ATG2B: variants seen among roughly 807,000 people sequenced by gnomAD.
The protein encoded by ATG2B is autophagy-related protein 2 homolog B.
ATG2B carries 121 observed loss-of-function variants against 241.3 expected under a neutral mutation model. The ratio of observed to expected loss-of-function variants is 0.50; its 90% confidence interval spans 0.43 to 0.58. The LOEUF (loss-of-function observed/expected upper bound fraction) is 0.58. Ranked by LOEUF, ATG2B falls within the 20% of genes least tolerant of loss-of-function variation. ATG2B has a pLI of 0.00. For synonymous variants in ATG2B, 858 were observed against 876.6 expected (o/e 0.98, Z 0.37); for missense variants, 2,306 against 2,491.6 (o/e 0.93, Z 1.59).
chr14:96,347,064 T>C (rs1298710243), intron 2 of ATG2B, 115 bp downstream of exon 2: 2 of 900,876 alleles, frequency 2.2e-6, no homozygotes, highest in East Asian at 2.7e-5. Flanking sequence ...TAATGTATTA[T>C]CAACTGAAAA....
At chr14:96,330,503 C>T (rs1219484311) in intron 11 of ATG2B, among the ~76,000 whole-genome samples, 2 of 152,136 alleles carry the variant, frequency 1.3e-5, no homozygotes, top group Non-Finnish European at 2.9e-5. Context: ...GTGGCTCACG[C>T]CTGTAATCCC....
intron 11 of ATG2B, 36 bp downstream of exon 11, chr14:96,331,340 G>A: frequency 6.4e-7 from 1 of 1,562,142 alleles, no homozygotes; most frequent in South Asian, 1.2e-5. Context: ...ATATGTGGAA[G>A]TTTAAAGGAT....
rs771631649 is a variant in ATG2B at position 96,313,047 on chromosome 14, TG to T, written c.3842+17del. On this transcript the variant is annotated intron_variant, in intron 25 of 41. Coordinates refer to ENST00000359933, the MANE Select transcript of ATG2B (RefSeq NM_018036.7). ...TCGAACAGCTTTGTTTAGTATACAA[TG>T]AAGTTTACACAGGTACCTGAGAGTA... 42 of 1,489,120 alleles carry T rather than the reference TG, an allele frequency of 2.8e-5. No homozygotes were observed. The highest frequency in any genetic ancestry group is 3.7e-5 in the Non-Finnish European group (40 of 1,067,992). The allele number at this position is 1,489,120 out of a possible 1,614,324, so 92.2% of individuals were successfully genotyped here.
intron 14 of ATG2B, among the ~76,000 whole-genome samples, chr14:96,327,744 T>C (rs1176165329): frequency 6.6e-6 from 1 of 152,202 alleles, no homozygotes; most frequent in Admixed American, 6.5e-5. Flanking sequence ...CAAGTTTATG[T>C]AAAGCAATAT....
intron 33 of ATG2B, among the ~76,000 whole-genome samples, chr14:96,302,655 A>G (rs914138464): frequency 2.6e-5 from 4 of 152,200 alleles, no homozygotes; most frequent in African/African-American, 9.7e-5. Context: ...ACTTAGTAAC[A>G]GTTTACTGAA....
rs1887089746 is a variant in ATG2B, at chr14:96,309,445, G to C, written c.4303+8C>G. 2.5e-6 allele frequency: 4 copies of C among 1,612,872 alleles called. No homozygotes were observed. The East Asian group carries it at 8.9e-5, about 36-fold the overall frequency. On this transcript the variant is annotated splice_region_variant and intron_variant, in intron 29 of 41. Transcript: ENST00000359933. ...ATCAGTGCTCCCTGAGAAGAGTCCT[G>C]GTCTTACCATTAGCCTGTGGTTTTA...
At chr14:96,338,478 T>G (rs1887924527) in intron 6 of ATG2B, among the ~76,000 whole-genome samples, 1 of 152,110 alleles carries the variant, frequency 6.6e-6, no homozygotes, top group Non-Finnish European at 1.5e-5. Flanking sequence ...GCCTATTTTG[T>G]TGAGAGTTTT....
chr14:96,322,120 A>G lies in ATG2B; in HGVS notation c.2871T>C (p.Leu957=). The part of the protein sequence containing the change: ...TLPNKSFYEK[L]YNRIFNDLLL... The stretch of plus-strand genomic sequence containing the variant: ...AATGTGTATAAACTCACCTATTATA[A>G]AGCTTCTCATAAAAGCTCTTATTAG... Residue 957 remains leucine (L), a synonymous_variant, in exon 18 of 42, where the codon CTT becomes CTC. Coordinates refer to ENST00000359933, the MANE Select transcript of ATG2B (RefSeq NM_018036.7). 1.3e-6 allele frequency: 2 copies of G among 1,541,408 alleles called. No individual in the cohort carries two copies. The highest frequency in any genetic ancestry group is 8.7e-7 in the Non-Finnish European group (1 of 1,152,304).
Position 96,345,398 on chromosome 14 carries a change from T to C in ATG2B, c.326-13A>G, listed in dbSNP as rs781443609. The C allele has an allele frequency of 5.1e-5, 81 of 1,578,722 alleles. No individual in the cohort carries two copies. The highest frequency in any genetic ancestry group is 2.9e-4 in the Admixed American group (15 of 52,486). On this transcript the variant is annotated splice_polypyrimidine_tract_variant and intron_variant, in intron 2 of 41. Transcript: ENST00000359933. Reference sequence around the variant, plus strand: ...TCAGAACCAGTTGCTGTGGAAAATATAAATTAATCCTAAATAATTTCTTAA... The same window carrying C: ...TCAGAACCAGTTGCTGTGGAAAATACAAATTAATCCTAAATAATTTCTTAA...
Position 96,303,206 on chromosome 14 carries a change from G to A in ATG2B, c.4892C>T (p.Ser1631Phe). ...VYPPCKPDCD[S>F]SLSEHPVSRQ... ...GGAGACTGGGTGTTCTGAGAGGCTG[G>A]AATCACAATCAGGTTTGCATGGCGG... The change falls in exon 33 of 42, where the codon TCC (serine) becomes TTC (phenylalanine). Residue 1631 changes from serine to phenylalanine, a missense_variant. By Grantham distance (155) the Ser-to-Phe change is radical. Transcript: ENST00000359933. 1.2e-6 allele frequency: 2 copies of A among 1,609,970 alleles called. No individual in the cohort carries two copies. Among genetic ancestry groups the A allele is most frequent in the Non-Finnish European group, 1.7e-6 (2 of 1,178,078 alleles).
At chr14:96,302,277 T>A (rs1034974198) in intron 33 of ATG2B, among the ~76,000 whole-genome samples, 169 bp from the exon 34 acceptor site, 2 of 152,196 alleles carry the variant, frequency 1.3e-5, no homozygotes, top group African/African-American at 4.8e-5. Flanking sequence ...TTGGGTCACA[T>A]GCCCCCATCA....
At chr14:96,352,306 C>T (rs1644749708) in intron 1 of ATG2B, among the ~76,000 whole-genome samples, 1 of 152,094 alleles carries the variant, frequency 6.6e-6, no homozygotes, top group Non-Finnish European at 1.5e-5. Flanking sequence ...TGATAATAAA[C>T]AACTATGCTA....
At chr14:96,296,566 C>G (rs1419723419) in intron 34 of ATG2B, among the ~76,000 whole-genome samples, 2 of 151,958 alleles carry the variant, frequency 1.3e-5, no homozygotes, top group East Asian at 3.9e-4. Context: ...TCAAGACCAG[C>G]CTGGCCAACA....
chr14:96,285,271 A>G lies in ATG2B; in HGVS notation c.*484T>C, dbSNP rs900315914. The G allele has an allele frequency of 6.3e-6, 1 of 157,994 alleles. No individual in the cohort carries two copies. Among genetic ancestry groups the G allele is most frequent in the Non-Finnish European group, 1.4e-5 (1 of 71,216 alleles). The allele number at this position is 157,994 out of a possible 1,614,324, so 9.8% of individuals were successfully genotyped here. On this transcript the variant is annotated 3_prime_UTR_variant, in exon 42 of 42. Coordinates refer to ENST00000359933, the MANE Select transcript of ATG2B (RefSeq NM_018036.7). This position sits in a 1 kb window ranked among gnomAD's most constrained non-coding sequence, Gnocchi z 4.2. ...TCTCAAGTGCATGAACACTAAATTC[A>G]ACAGAATAGGTTATTTTTCCACACT...
At chr14:96,298,281 G>C (rs1406404487) in intron 34 of ATG2B, among the ~76,000 whole-genome samples, 2 of 152,186 alleles carry the variant, frequency 1.3e-5, no homozygotes, top group African/African-American at 4.8e-5. Context: ...TACCAAGTTT[G>C]GCAAGGCTAT....
chr14:96,333,536 A>G, intron 8 of ATG2B, 152 bp downstream of exon 8: 1 of 688,204 alleles, frequency 1.5e-6, no homozygotes, highest in Non-Finnish European at 2.4e-6. Context: ...TTGTGATTAG[A>G]TTAATCGTAA....
At chr14:96,344,780 ACGT>A (rs775559444) in intron 3 of ATG2B, 24 bp from the exon 4 acceptor site, 1 of 1,123,852 alleles carries the variant, frequency 8.9e-7, no homozygotes, top group Non-Finnish European at 1.3e-6. Context: ...GTAATTGTCA[ACGT>A]AAGAGACCAC....
rs767116576 is a variant in ATG2B, at chr14:96,295,078, C to A, written c.5308G>T (p.Gly1770Trp). Residue 1770 changes from glycine to tryptophan, a missense_variant, in exon 36 of 42, where the codon GGG (glycine) becomes TGG (tryptophan). This residue lies in a region of ATG2B where 379 missense variants were observed against 480.4 expected (regional missense o/e 0.79). Transcript: ENST00000359933. ...KEPNLVISFS[G>W]PKQPSQNDSA... ...TCATTTTGGGAAGGCTGTTTTGGCC[C>A]AGAGAAAGAAATAACCAGATTTGGC... 20 of 1,614,046 alleles carry A rather than the reference C, an allele frequency of 1.2e-5. No homozygotes were observed. The highest frequency in any genetic ancestry group is 2.7e-5 in the African/African-American group (2 of 74,912).
At chr14:96,308,276 A>ATATATG (rs1887051218) in intron 29 of ATG2B, among the ~76,000 whole-genome samples, 3 of 27,124 alleles carry the variant, frequency 1.1e-4, no homozygotes, top group Non-Finnish European at 1.9e-4. Context: ...ATATATATAT[A>ATATATG]TATATATTTT....
Sources: allele counts gnomAD v4.1 joint callset (sites outside exome capture counted in the v4.1 genomes callset), GRCh38; gene constraint gnomAD v4.1.1; regional missense constraint gnomAD v4.1.1; non-coding constraint Gnocchi (gnomAD v3.1); transcripts MANE v1.5; gene names NCBI Gene and HGNC (gene_info 2026-07-23, HGNC 2026-07-21).